Variants in PEPD observed in about 807,000 individuals in gnomAD.
The protein encoded by PEPD is peptidase D, also known as xaa-Pro dipeptidase.
PEPD carries 53 observed loss-of-function variants against 60.7 expected under a neutral mutation model. The ratio of observed to expected loss-of-function variants is 0.87; its 90% CI spans 0.70 to 1.10. The LOEUF is 1.10. Ranked by LOEUF, PEPD falls within the 50% of genes least tolerant of loss-of-function variation. PEPD has a pLI of 0.00. For synonymous variants in PEPD, 267 were observed against 284.1 expected, an observed-to-expected ratio of 0.94 and a Z score of 0.60; for missense variants, 711 against 711.9, an observed-to-expected ratio of 1.00 and a Z score of 0.01.
chr19:33,406,127 G>A (rs752184966), intron 11 of PEPD, among the ~76,000 whole-genome samples: 11 of 152,220 alleles, frequency 7.2e-5, no homozygotes, highest in Admixed American at 1.3e-4. Context: ...AGGCCCGGGC[G>A]TCAGGGCAGT....
At chr19:33,442,804 C>T (rs1969508865) in intron 9 of PEPD, among the ~76,000 whole-genome samples, 1 of 151,870 alleles carries the variant, frequency 6.6e-6, no homozygotes, top group East Asian at 1.9e-4. Context: ...AGAATTAAAC[C>T]GATCTTACCT....
chr19:33,490,043 C>T lies in PEPD; in HGVS notation c.456G>A (p.Thr152=), dbSNP rs200011486. The change falls in exon 6 of 15, where the codon ACG becomes ACA. Residue 152 remains threonine, a synonymous_variant. Transcript: ENST00000244137. Reference sequence around the variant, plus strand: ...CCTCCCTGCAGACACTGCCGCTGTCCGTGTTGACGCCACGCTGGGGAGAGA... The same window carrying T: ...CCTCCCTGCAGACACTGCCGCTGTCTGTGTTGACGCCACGCTGGGGAGAGA... The part of the protein sequence containing the change: ...SVLLTLRGVN[T]DSGSVCREAS... 368 of 1,612,084 alleles carry T rather than the reference C, an allele frequency of 2.3e-4. 1 individual carries two copies. The African/African-American group carries it at 4.1e-3, about 18-fold the overall frequency.
intron 9 of PEPD, among the ~76,000 whole-genome samples, chr19:33,416,076 C>T (rs977848839): frequency 2.6e-5 from 4 of 152,192 alleles, no homozygotes; most frequent in African/African-American, 7.2e-5. Flanking sequence ...CGTGTGAGCC[C>T]GGCGCGGCAC....
rs909365380 is a variant in PEPD, at chr19:33,493,205, G to A, written c.441+85C>T. Reference sequence around the variant, plus strand: ...TCCGTTTTTTAATCCTCCCCTATGGGCCCGACCTCTGCAGGAGAGGTGGCC... The same window carrying A: ...TCCGTTTTTTAATCCTCCCCTATGGACCCGACCTCTGCAGGAGAGGTGGCC... On this transcript the variant is annotated intron_variant, in intron 5 of 14. Transcript: ENST00000244137. The A allele has an allele frequency of 5.2e-6, 5 of 967,236 alleles. No homozygotes were observed. In the Admixed American group the frequency reaches 7.4e-5, roughly 14 times the overall value. 59.9% of individuals were successfully genotyped at this position (967,236 alleles called of 1,614,324 possible). A position where few individuals can be genotyped will look rare whatever the true frequency, so the allele number is the denominator to read the frequency against.
intron 9 of PEPD, among the ~76,000 whole-genome samples, chr19:33,425,475 G>C (rs1333454225): frequency 6.6e-6 from 1 of 152,140 alleles, no homozygotes; most frequent in Non-Finnish European, 1.5e-5. Context: ...GGAGGGGCGA[G>C]CAGGGGCAAG....
intron 11 of PEPD, 119 bp from the exon 12 acceptor site, chr19:33,401,988 C>CCCT: frequency 1.1e-6 from 1 of 910,200 alleles, no homozygotes; most frequent in Admixed American, 2.0e-5. Flanking sequence ...ATGCAACTCC[C>CCCT]CCTCACAATG....
chr19:33,459,714 A>G (rs548733321), intron 9 of PEPD, among the ~76,000 whole-genome samples: 17 of 151,872 alleles, frequency 1.1e-4, no homozygotes, highest in African/African-American at 4.1e-4. Flanking sequence ...ATAACAAATC[A>G]TAGATAATAA....
chr19:33,400,394 A>G (rs947268537), intron 12 of PEPD, among the ~76,000 whole-genome samples: 8 of 152,038 alleles, frequency 5.3e-5, no homozygotes, highest in Non-Finnish European at 1.0e-4. Flanking sequence ...CTGATTTTCC[A>G]CCTCTGTGAA....
At chr19:33,517,929 T>C (rs2145364233) in intron 1 of PEPD, among the ~76,000 whole-genome samples, 1 of 149,624 alleles carries the variant, frequency 6.7e-6, no homozygotes, top group African/African-American at 2.5e-5. Flanking sequence ...ATCGCGCCAT[T>C]GCACTCCAGT....
At chr19:33,455,512 T>C (rs1482762445) in intron 9 of PEPD, among the ~76,000 whole-genome samples, 1 of 151,866 alleles carries the variant, frequency 6.6e-6, no homozygotes, top group Non-Finnish European at 1.5e-5. Flanking sequence ...TTTCTCTTTT[T>C]TTTTTTAAGA....
chr19:33,470,625 G>T (rs1332303687), intron 7 of PEPD, among the ~76,000 whole-genome samples: 2 of 152,094 alleles, frequency 1.3e-5, no homozygotes, highest in African/African-American at 4.8e-5. Context: ...GCCATATATA[G>T]TCCTGGAAGA....
At chr19:33,431,859 G>A (rs1162585269) in intron 9 of PEPD, among the ~76,000 whole-genome samples, 1 of 151,982 alleles carries the variant, frequency 6.6e-6, no homozygotes, top group African/African-American at 2.4e-5. Context: ...CAGGTGTGGT[G>A]GCAAATGCCT....
intron 6 of PEPD, among the ~76,000 whole-genome samples, chr19:33,485,464 G>A (rs1970379224): frequency 7.0e-6 from 1 of 143,352 alleles, no homozygotes. Flanking sequence ...CTGCACTCCA[G>A]CCTGGGCAAC....
chr19:33,493,058 G>A (rs772163239), intron 5 of PEPD, among the ~76,000 whole-genome samples: 1 of 152,132 alleles, frequency 6.6e-6, no homozygotes, highest in Admixed American at 6.5e-5. Flanking sequence ...TTAATTTGTT[G>A]TAAAGACAGG....
chr19:33,425,869 T>TC (rs1430973089), intron 9 of PEPD, among the ~76,000 whole-genome samples: 1 of 152,112 alleles, frequency 6.6e-6, no homozygotes, highest in Admixed American at 6.5e-5. Context: ...GTTCAGAAGC[T>TC]CCCCAAGTCC....
chr19:33,504,163 T>C (rs1416542859), intron 3 of PEPD, among the ~76,000 whole-genome samples: 2 of 152,236 alleles, frequency 1.3e-5, no homozygotes, highest in Non-Finnish European at 2.9e-5. Flanking sequence ...GGGCTAATTA[T>C]AGTAAAAACC....
At chr19:33,505,003 CT>C (rs949195128) in intron 3 of PEPD, among the ~76,000 whole-genome samples, 16 of 152,190 alleles carry the variant, frequency 1.1e-4, no homozygotes, top group Non-Finnish European at 1.5e-4. Flanking sequence ...TGACTGCACA[CT>C]CTGCAGTGAC....
At chr19:33,434,627 G>A (rs75796363) in intron 9 of PEPD, among the ~76,000 whole-genome samples, 19,423 of 152,036 alleles carry the variant, frequency 0.13, 1,467 homozygotes, top group East Asian at 0.27. Flanking sequence ...GGTCTCGGGG[G>A]TGAACTTCAC....
chr19:33,481,045 G>C (rs1970305625), intron 6 of PEPD, among the ~76,000 whole-genome samples: 2 of 151,780 alleles, frequency 1.3e-5, no homozygotes, highest in African/African-American at 4.8e-5. Flanking sequence ...GTAACATAAG[G>C]AAAATAGAAA....
Sources: allele counts gnomAD v4.1 joint callset (sites outside exome capture counted in the v4.1 genomes callset), GRCh38; gene constraint gnomAD v4.1.1; transcripts MANE v1.5; gene names NCBI Gene and HGNC (gene_info 2026-07-23, HGNC 2026-07-21).